NARF: variants seen among roughly 807,000 people sequenced by gnomAD.
NARF encodes the protein iron-only hydrogenase-like protein 2.
Under a neutral mutation model 48.0 loss-of-function variants are expected in NARF, and 41 were observed. The ratio of observed to expected loss-of-function variants is 0.85; its 90% CI spans 0.66 to 1.11. The LOEUF is 1.11. NARF is among the 50% of genes least tolerant of loss of function. The pLI is 0.00. For synonymous variants in NARF, 215 were observed against 225.5 expected (o/e 0.95, Z 0.42); for missense variants, 613 against 590.2 (o/e 1.04, Z -0.40).
intron 7 of NARF, chr17:82,482,777 A>G (rs930150823): frequency 6.6e-6 from 1 of 152,114 alleles, no homozygotes; most frequent in African/African-American, 2.4e-5. Context: ...CTTGCTGGGC[A>G]ACACAGTGAG....
At chr17:82,460,187 G>A (rs1014719400) in intron 2 of NARF, 115 bp downstream of exon 2, 7 of 845,162 alleles carry the variant, frequency 8.3e-6, no homozygotes, top group South Asian at 3.4e-5. Flanking sequence ...TGAAGTACGC[G>A]GGCATGGTGG....
intron 10 of NARF, 128 bp from the exon 11 acceptor site, chr17:82,487,788 C>CCAAAGAGA: frequency 3.9e-6 from 3 of 759,774 alleles, no homozygotes; most frequent in Non-Finnish European, 6.2e-6. Context: ...CCCTCCCGCC[C>CCAAAGAGA]AATCTCTACA....
chr17:82,475,919 G>A (rs2043822167), intron 5 of NARF, among the ~76,000 whole-genome samples: 1 of 152,232 alleles, frequency 6.6e-6, no homozygotes, highest in Admixed American at 6.5e-5. Context: ...CAAAAAGTTT[G>A]TGGAAGAACA....
chr17:82,473,796 G>C (rs1016471118), intron 5 of NARF, among the ~76,000 whole-genome samples: 2 of 152,146 alleles, frequency 1.3e-5, no homozygotes, highest in African/African-American at 2.4e-5. Context: ...GACCTCAAGT[G>C]ATCTGCCCGC....
chr17:82,481,622 C>T (rs771192254), intron 7 of NARF, among the ~76,000 whole-genome samples: 1 of 151,642 alleles, frequency 6.6e-6, no homozygotes, highest in Non-Finnish European at 1.5e-5. Context: ...CCCAGCTGCT[C>T]GGGAGGCTGA....
rs144921983 is a variant in NARF at position 82,458,901 on chromosome 17, C to T, written c.27+71C>T. 4.9e-3 allele frequency: 6,247 copies of T among 1,287,052 alleles called. 251 individuals are homozygous for T. The African/African-American group carries it at 0.085, about 17-fold the overall frequency. The allele number at this position is 1,287,052 out of a possible 1,614,324, so 79.7% of individuals were successfully genotyped here. A position where few individuals can be genotyped will look rare whatever the true frequency, so the allele number is the denominator to read the frequency against. ...TGGGGCTCTGGGCGGCCGAGGTTGG[C>T]GGTCCGGGCCCGCCGCTCGCTCGCT... On this transcript the variant is annotated intron_variant, in intron 1 of 10. Transcript: ENST00000309794.
At chr17:82,470,526 G>C (rs535066353) in intron 4 of NARF, among the ~76,000 whole-genome samples, 41 of 152,086 alleles carry the variant, frequency 2.7e-4, no homozygotes, top group South Asian at 1.7e-3. Context: ...ACGGAGTCTT[G>C]ATCTGTCACC....
chr17:82,480,978 G>A lies in NARF; in HGVS notation c.640-104G>A. ...TGCAGCATGCAGTGTCTGGAGGGCA[G>A]CAGCAGGGGGCATTCGGTCTCCCAT... is the stretch of plus-strand genomic sequence containing the variant. On this transcript the variant is annotated intron_variant, in intron 6 of 10. Coordinates refer to ENST00000309794, the MANE Select transcript of NARF (RefSeq NM_012336.4). 6 of 1,355,656 alleles carry A rather than the reference G, an allele frequency of 4.4e-6. No individual in the cohort carries two copies. In the South Asian group the frequency reaches 6.0e-5, roughly 14 times the overall value. The allele number at this position is 1,355,656 out of a possible 1,614,324, so 84.0% of individuals were successfully genotyped here. A position where few individuals can be genotyped will look rare whatever the true frequency, so the allele number is the denominator to read the frequency against.
At chr17:82,487,852 T>C in intron 10 of NARF, 64 bp from the exon 11 acceptor site, 1 of 1,539,042 alleles carries the variant, frequency 6.5e-7, no homozygotes, top group Non-Finnish European at 8.8e-7. Flanking sequence ...TTCTAGCTGC[T>C]CAGGAAGCTA....
At chr17:82,460,337 C>T (rs554657207) in intron 2 of NARF, 64 of 248,008 alleles carry the variant, frequency 2.6e-4, no homozygotes, top group African/African-American at 1.2e-3. Context: ...TGGTGGTGTA[C>T]GCCTGTAATC....
chr17:82,469,048 T>G, intron 4 of NARF, 152 bp downstream of exon 4: 1 of 845,524 alleles, frequency 1.2e-6, no homozygotes, highest in Non-Finnish European at 1.8e-6. Context: ...CCGTGTGTCA[T>G]GAAACCCAGC....
intron 3 of NARF, among the ~76,000 whole-genome samples, chr17:82,466,416 T>C (rs1046192433): frequency 2.0e-5 from 3 of 152,218 alleles, no homozygotes; most frequent in Non-Finnish European, 2.9e-5. Context: ...CTACAACTTA[T>C]ATTTTAGTAC....
At position 82,472,573 on chromosome 17, in the gene NARF, ATGTATT is replaced by A; in HGVS notation, c.398_403del (p.Val133_Phe134del). 1.2e-6 allele frequency: 2 copies of A among 1,612,906 alleles called. No homozygotes were observed. Among genetic ancestry groups the A allele is most frequent in the Non-Finnish European group, 1.7e-6 (2 of 1,179,518 alleles). ...CTCCTCTCTCCTGCAGGGGTGCACT[ATGTATT>A]TGATACGACGATAGCTGCGGATTTT... On this transcript the variant is annotated inframe_deletion, in exon 5 of 11. Coordinates refer to ENST00000309794, the MANE Select transcript of NARF (RefSeq NM_012336.4).
chr17:82,460,204 C>T (rs777860848), intron 2 of NARF, 132 bp downstream of exon 2: 1 of 716,600 alleles, frequency 1.4e-6, no homozygotes, highest in Non-Finnish European at 2.2e-6. Context: ...GTGGCTCACG[C>T]CTGGAATCCC....
intron 3 of NARF, among the ~76,000 whole-genome samples, chr17:82,466,704 C>T (rs1172631174): frequency 1.3e-5 from 2 of 151,986 alleles, no homozygotes; most frequent in East Asian, 1.9e-4. Context: ...GTGCTCGCCT[C>T]GGCCTCCCAA....
chr17:82,484,725 T>A, intron 8 of NARF, 88 bp from the exon 9 acceptor site: 1 of 1,456,514 alleles, frequency 6.9e-7, no homozygotes, highest in Non-Finnish European at 9.2e-7. Flanking sequence ...GAACTTGGAT[T>A]GTGATGCCCT....
At chr17:82,458,655 G>C (rs755370106), upstream of NARF, 2 of 1,026,826 alleles carry the variant, frequency 1.9e-6, no homozygotes, top group Non-Finnish European at 2.6e-6. Context: ...GTCCTCTCCC[G>C]GTGCTCTCAT....
intron 4 of NARF, among the ~76,000 whole-genome samples, chr17:82,470,668 G>A (rs1265213273): frequency 6.6e-6 from 1 of 151,480 alleles, no homozygotes; most frequent in Non-Finnish European, 1.5e-5. Flanking sequence ...CTAATTTTTT[G>A]TATTTTTAGT....
intron 10 of NARF, 119 bp from the exon 11 acceptor site, chr17:82,487,797 C>CAGAA: frequency 2.0e-6 from 1 of 505,674 alleles, no homozygotes; most frequent in East Asian, 6.4e-5. Flanking sequence ...CCAATCTCTA[C>CAGAA]AAAAAATTTA....
Sources: allele counts gnomAD v4.1 joint callset (sites outside exome capture counted in the v4.1 genomes callset), GRCh38; gene constraint gnomAD v4.1.1; transcripts MANE v1.5; gene names NCBI Gene and HGNC (gene_info 2026-07-23, HGNC 2026-07-21).